TSPAN11: variants seen among roughly 807,000 people sequenced by gnomAD.
The protein encoded by TSPAN11 is tetraspanin-11.
Under a neutral mutation model 32.9 loss-of-function variants are expected in TSPAN11, and 29 were observed. That is an observed-to-expected ratio of 0.88 (90% CI 0.66 to 1.20). The LOEUF is 1.20. TSPAN11 is among the 50% of genes most tolerant of loss of function. The pLI is 0.00. For synonymous variants in TSPAN11, 140 were observed against 141.3 expected (o/e 0.99, Z 0.07); for missense variants, 283 against 329.1 (o/e 0.86, Z 1.08).
At chr12:30,978,815 C>A in intron 4 of TSPAN11, 180 bp downstream of exon 4, 1 of 613,998 alleles carries the variant, frequency 1.6e-6, no homozygotes. Context: ...TCCAGCAATT[C>A]TGTGCTGCAT....
chr12:30,983,916 CTG>C (rs150627196), intron 7 of TSPAN11, among the ~76,000 whole-genome samples: 4 of 151,770 alleles, frequency 2.6e-5, no homozygotes, highest in African/African-American at 9.7e-5. Context: ...AGGGCAGTGA[CTG>C]TGTGTGTGTG....
At chr12:30,945,953 A>G (rs1938258232) in intron 1 of TSPAN11, among the ~76,000 whole-genome samples, 1 of 152,176 alleles carries the variant, frequency 6.6e-6, no homozygotes, top group Admixed American at 6.5e-5. Context: ...ATATCTGGGA[A>G]ATCCTTGACA....
At chr12:30,972,293 C>T (rs371275664) in intron 3 of TSPAN11, among the ~76,000 whole-genome samples, 5 of 152,094 alleles carry the variant, frequency 3.3e-5, no homozygotes, top group African/African-American at 1.2e-4. Context: ...AAGATCAGAG[C>T]CAGGAGGGCA....
chr12:30,984,336 A>G (rs913969329), intron 7 of TSPAN11, among the ~76,000 whole-genome samples: 1 of 152,184 alleles, frequency 6.6e-6, no homozygotes, highest in African/African-American at 2.4e-5. Context: ...CATCTGCAAA[A>G]TGTGGACCAT....
Position 30,987,272 on chromosome 12 carries a change from G to A in TSPAN11, c.702+4122G>A, listed in dbSNP as rs144315760. ...ACCCTCCAGGTGGGACCAGACCTCCGCAGAGCCCCAGGGCAGTGGTCCTCA... is the reference window on the plus strand; with the variant it reads ...ACCCTCCAGGTGGGACCAGACCTCCACAGAGCCCCAGGGCAGTGGTCCTCA... On this transcript the variant is annotated intron_variant, in intron 7 of 7. Coordinates refer to ENST00000546076, the MANE Select transcript of TSPAN11 (RefSeq NM_001370302.1). Among the ~76,000 whole-genome samples, 262 of 152,246 alleles carry A rather than the reference G, an allele frequency of 1.7e-3. 5 individuals carry two copies. Among genetic ancestry groups the A allele is most frequent in the East Asian group, 0.014 (70 of 5,156 alleles).
intron 3 of TSPAN11, among the ~76,000 whole-genome samples, chr12:30,978,104 T>C (rs2140302504): frequency 6.6e-6 from 1 of 152,292 alleles, no homozygotes; most frequent in Admixed American, 6.5e-5. Context: ...ACTTAGCAAA[T>C]GCCTATTCAG....
At chr12:30,931,511 C>T (rs1937926178) in intron 1 of TSPAN11, among the ~76,000 whole-genome samples, 2 of 152,214 alleles carry the variant, frequency 1.3e-5, no homozygotes, top group South Asian at 4.1e-4. Flanking sequence ...AGATTTCTCT[C>T]CCAGAGCTGC....
chr12:30,931,319 T>C (rs576891730), intron 1 of TSPAN11, among the ~76,000 whole-genome samples: 2 of 152,260 alleles, frequency 1.3e-5, no homozygotes, highest in African/African-American at 2.4e-5. Context: ...CAGATTCTAG[T>C]GTGTTTAAAA....
the TSPAN11 span, chr12:31,005,702 C>T: frequency 1.3e-5 from 2 of 154,004 alleles, no homozygotes; most frequent in African/African-American, 4.8e-5. Flanking sequence ...AGCTCAAATC[C>T]TCTGCCTCCA....
At chr12:30,962,938 G>C (rs1428200168) in intron 2 of TSPAN11, among the ~76,000 whole-genome samples, 1 of 152,080 alleles carries the variant, frequency 6.6e-6, no homozygotes, top group Non-Finnish European at 1.5e-5. Context: ...TGCCCTTCTG[G>C]GTCCAACAGT....
intron 2 of TSPAN11, 61 bp downstream of exon 2, chr12:30,954,136 T>C: frequency 8.0e-7 from 1 of 1,252,590 alleles, no homozygotes. Flanking sequence ...AGCCACCTTT[T>C]GTTTTTTTGT....
At chr12:31,008,111 CTT>C in the TSPAN11 span, among the ~76,000 whole-genome samples, 3 of 145,490 alleles carry the variant, frequency 2.1e-5, no homozygotes, top group East Asian at 2.1e-4. Flanking sequence ...TTTCTTTTTT[CTT>C]TTTTTTTTTT....
the TSPAN11 span, among the ~76,000 whole-genome samples, chr12:31,001,801 C>T: frequency 2.6e-5 from 4 of 152,290 alleles, no homozygotes; most frequent in Admixed American, 2.0e-4. Flanking sequence ...GGCTCTAGCA[C>T]AGTCACCAGA....
At chr12:30,964,729 C>T (rs781282331) in intron 3 of TSPAN11, among the ~76,000 whole-genome samples, 20 of 152,226 alleles carry the variant, frequency 1.3e-4, no homozygotes, top group Non-Finnish European at 2.6e-4. Flanking sequence ...CATTATCACA[C>T]TTTAAAACAA....
chr12:30,967,015 A>C (rs1206274451), intron 3 of TSPAN11, among the ~76,000 whole-genome samples: 1 of 152,200 alleles, frequency 6.6e-6, no homozygotes, highest in Non-Finnish European at 1.5e-5. Flanking sequence ...CCCAGGCATT[A>C]GTGGGAGACA....
chr12:30,945,434 ATGCCT>A (rs1158931133), intron 1 of TSPAN11, among the ~76,000 whole-genome samples: 1 of 151,828 alleles, frequency 6.6e-6, no homozygotes, highest in Non-Finnish European at 1.5e-5. Context: ...GGGCCTGAAA[ATGCCT>A]TGTATTTATG....
chr12:30,944,578 T>A (rs1211610231), intron 1 of TSPAN11, among the ~76,000 whole-genome samples: 1 of 125,744 alleles, frequency 8.0e-6, no homozygotes, highest in African/African-American at 5.1e-5. Flanking sequence ...TGCACTCCCA[T>A]GTCCATGTCA....
chr12:30,987,606 G>GA (rs913135270), intron 7 of TSPAN11, among the ~76,000 whole-genome samples: 122 of 147,148 alleles, frequency 8.3e-4, no homozygotes, highest in Non-Finnish European at 1.4e-3. Flanking sequence ...CCGTCTCAAA[G>GA]AAAAAAAAAA....
At chr12:30,984,552 CTTTTTTTTTT>C (rs55772956) in intron 7 of TSPAN11, among the ~76,000 whole-genome samples, 4 of 68,574 alleles carry the variant, frequency 5.8e-5, no homozygotes, top group East Asian at 4.7e-4. Flanking sequence ...TCGCTTTTTG[CTTTTTTTTTT>C]TTTTTTTTTT....
Sources: allele counts gnomAD v4.1 joint callset (sites outside exome capture counted in the v4.1 genomes callset), GRCh38; gene constraint gnomAD v4.1.1; transcripts MANE v1.5; gene names NCBI Gene and HGNC (gene_info 2026-07-23, HGNC 2026-07-21).